Variants in DDX60L observed in about 807,000 individuals in gnomAD.
The protein encoded by DDX60L is probable ATP-dependent RNA helicase DDX60-like.
DDX60L carries 191 observed loss-of-function variants against 211.6 expected under a neutral mutation model. That is an observed-to-expected ratio of 0.90 (90% confidence interval 0.80 to 1.02). DDX60L has a LOEUF of 1.02. Ranked by LOEUF, DDX60L falls within the 50% of genes least tolerant of loss-of-function variation. The pLI is 0.00. For missense variants in DDX60L, 2,007 were observed against 1,984.1 expected, an observed-to-expected ratio of 1.01 and a Z score of -0.22; for synonymous variants, 706 against 694.1, an observed-to-expected ratio of 1.02 and a Z score of -0.27.
chr4:168,449,650 T>TAAAAAAAAAAAAAAAAA (rs1755423821), intron 8 of DDX60L, among the ~76,000 whole-genome samples: 2 of 6,936 alleles, frequency 2.9e-4, no homozygotes, highest in Admixed American at 1.8e-3. Flanking sequence ...AAAAAAAAAA[T>TAAAAAAAAAAAAAAAAA]GCAAAAAAAA....
intron 30 of DDX60L, among the ~76,000 whole-genome samples, chr4:168,382,934 T>C (rs1167521101): frequency 6.6e-6 from 1 of 152,234 alleles, no homozygotes; most frequent in African/African-American, 2.4e-5. Flanking sequence ...ATGTGTTTAC[T>C]ACTCATCGAA....
chr4:168,427,200 A>G lies in DDX60L; in HGVS notation c.1800T>C (p.Asn600=). ...LFSIEEEMKN[N]LHSGIRKLED... ...CCAATTTCCTTATTCCAGAATGTAA[A>G]TTGTTCTTCATCTCCTCTTCAATAG... The change falls in exon 14 of 38, where the codon AAT becomes AAC. Residue 600 remains asparagine (N), a synonymous_variant. Coordinates refer to ENST00000682922, the MANE Select transcript of DDX60L (RefSeq NM_001012967.3). 6.2e-7 allele frequency: 1 copy of G among 1,613,342 alleles called. No individual in the cohort carries two copies. Among genetic ancestry groups the G allele is most frequent in the South Asian group, 1.1e-5 (1 of 90,992 alleles).
chr4:168,472,501 A>T lies in DDX60L; in HGVS notation c.28T>A (p.Phe10Ile). The T allele has an allele frequency of 6.3e-7, 1 of 1,578,554 alleles. No homozygotes were observed. The highest frequency in any genetic ancestry group is 1.2e-5 in the South Asian group (1 of 86,858). The change falls in exon 3 of 38, where the codon TTC (phenylalanine) becomes ATC (isoleucine). Residue 10 changes from phenylalanine (F) to isoleucine (I), a missense_variant. Phe to Ile is a conservative substitution (Grantham distance 21). Transcript: ENST00000682922. ...AAAATTAACTGTGTCATTTCCCTGA[A>T]AAATACTGCATGATCCTTTGACCCT... Reference protein sequence around the residue: MGSKDHAVFFREMTQLILNE... With the variant: MGSKDHAVFIREMTQLILNE...
At chr4:168,411,241 C>T (rs1238177330) in intron 22 of DDX60L, among the ~76,000 whole-genome samples, 1 of 152,164 alleles carries the variant, frequency 6.6e-6, no homozygotes, top group Non-Finnish European at 1.5e-5. Flanking sequence ...ACAAAAGGCA[C>T]CTTTATAAGA....
rs1750826086 is a variant in DDX60L, at chr4:168,422,686, A to C, written c.2098-16T>G. The C allele has an allele frequency of 6.6e-7, 1 of 1,516,568 alleles. No individual in the cohort carries two copies. The highest frequency in any genetic ancestry group is 1.4e-5 in the African/African-American group (1 of 71,640). 93.9% of individuals were successfully genotyped at this position (1,516,568 alleles called of 1,614,324 possible). A position where few individuals can be genotyped will look rare whatever the true frequency, so the allele number is the denominator to read the frequency against. ...CATCTCCTATCTGTTATTTTAATAT[A>C]TTATTTGAAATCAACTTAAACTTCA... On this transcript the variant is annotated splice_polypyrimidine_tract_variant and intron_variant, in intron 15 of 37. Coordinates refer to ENST00000682922, the MANE Select transcript of DDX60L (RefSeq NM_001012967.3).
chr4:168,359,203 T>C (rs1037072189), intron 37 of DDX60L, among the ~76,000 whole-genome samples: 7 of 152,200 alleles, frequency 4.6e-5, no homozygotes, highest in African/African-American at 1.7e-4. Context: ...TTTTTACTAG[T>C]CCTCAGTGGC....
intron 14 of DDX60L, among the ~76,000 whole-genome samples, chr4:168,424,461 T>C (rs903945607): frequency 6.6e-6 from 1 of 152,204 alleles, no homozygotes; most frequent in Non-Finnish European, 1.5e-5. Flanking sequence ...CAAATACTAC[T>C]GAGCAACTGC....
chr4:168,471,698 C>G (rs528688719), intron 4 of DDX60L, 49 bp downstream of exon 4: 3 of 1,423,572 alleles, frequency 2.1e-6, no homozygotes, highest in South Asian at 2.7e-5. Flanking sequence ...TAAGACATTT[C>G]AGTTATAGTC....
intron 28 of DDX60L, among the ~76,000 whole-genome samples, chr4:168,393,538 G>A (rs1456589952): frequency 1.3e-5 from 2 of 151,760 alleles, no homozygotes; most frequent in African/African-American, 2.4e-5. Flanking sequence ...ATAGTGTAAC[G>A]GCTACCCTTC....
At chr4:168,378,702 C>A (rs1365235122) in intron 32 of DDX60L, among the ~76,000 whole-genome samples, 1 of 152,026 alleles carries the variant, frequency 6.6e-6, no homozygotes, top group African/African-American at 2.4e-5. Flanking sequence ...TTGCTATACC[C>A]GCCCTAGTTC....
intron 34 of DDX60L, 48 bp from the exon 35 acceptor site, chr4:168,373,856 A>ACGCC: frequency 6.3e-7 from 1 of 1,585,814 alleles, no homozygotes; most frequent in African/African-American, 1.3e-5. Context: ...ATCAGCCCAA[A>ACGCC]TGTTAACCCT....
rs368290897 is a variant in DDX60L at position 168,395,955 on chromosome 4, G to T, written c.3657+4C>A. On this transcript the variant is annotated splice_donor_region_variant and intron_variant, in intron 27 of 37. Coordinates refer to ENST00000682922, the MANE Select transcript of DDX60L (RefSeq NM_001012967.3). ...CGTATTATATTAATAATTCTCTGAC[G>T]TACTGAGTCTTTATTCCTGGTAATT... 2 of 1,576,804 alleles carry T rather than the reference G, an allele frequency of 1.3e-6. No individual in the cohort carries two copies. The highest frequency in any genetic ancestry group is 1.1e-5 in the South Asian group (1 of 87,946).
chr4:168,472,342 G>A, intron 3 of DDX60L, 113 bp downstream of exon 3: 1 of 777,112 alleles, frequency 1.3e-6, no homozygotes, highest in East Asian at 2.7e-5. Flanking sequence ...TCTCCAAGCT[G>A]CTCCAAGATA....
At chr4:168,403,881 GTTAC>G (rs1312166129) in intron 25 of DDX60L, 97 bp downstream of exon 25, 1 of 569,544 alleles carries the variant, frequency 1.8e-6, no homozygotes, top group East Asian at 3.6e-5. Flanking sequence ...TAAAAGTAGG[GTTAC>G]TTCTAACCAC....
In DDX60L at chr4:168,403,971, C is replaced by T; in HGVS notation, c.3338+11G>A. On this transcript the variant is annotated intron_variant, in intron 25 of 37. Coordinates refer to ENST00000682922, the MANE Select transcript of DDX60L (RefSeq NM_001012967.3). ...ATATAAACAAAGATAAATTAAGTTTCAGTTACTTACAAAAAAAATATTGCA... is the reference window on the plus strand; with the variant it reads ...ATATAAACAAAGATAAATTAAGTTTTAGTTACTTACAAAAAAAATATTGCA... 7.0e-7 allele frequency: 1 copy of T among 1,433,606 alleles called. No individual in the cohort carries two copies. The highest frequency in any genetic ancestry group is 1.5e-5 in the South Asian group (1 of 66,194). 88.8% of individuals were successfully genotyped at this position (1,433,606 alleles called of 1,614,324 possible).
Position 168,422,999 on chromosome 4 carries a change from G to GTGTGTGTGTGTA in DDX60L, c.2098-330_2098-329insTACACACACACA, listed in dbSNP as rs551448406. On this transcript the variant is annotated intron_variant, in intron 15 of 37. Coordinates refer to ENST00000682922, the MANE Select transcript of DDX60L (RefSeq NM_001012967.3). ...TGTGTGTGTGTGTGTGTGTGTGTGTGTTGTAGAGACAGGGTGTTGCCATGT... is the reference window on the plus strand; with the variant it reads ...TGTGTGTGTGTGTGTGTGTGTGTGTGTGTGTGTGTGTATTGTAGAGACAGGGTGTTGCCATGT... 1.2e-3 allele frequency among the ~76,000 whole-genome samples: 166 copies of GTGTGTGTGTGTA among 137,606 alleles called. 3 individuals are homozygous for GTGTGTGTGTGTA. The highest frequency in any genetic ancestry group is 4.5e-3 in the African/African-American group (161 of 35,678). 90.3% of individuals were successfully genotyped at this position (137,606 alleles called of 152,430 possible).
In DDX60L at chr4:168,358,075, GTA is replaced by G; in HGVS notation, c.*70_*71del. ...ACAAACATTTTTTCCATTTCATTGT[GTA>G]AGCTTAATTATATCTCTCCTTGCAA... On this transcript the variant is annotated 3_prime_UTR_variant, in exon 38 of 38. Transcript: ENST00000682922. The G allele has an allele frequency of 7.3e-7, 1 of 1,372,598 alleles. No individual in the cohort carries two copies. The highest frequency in any genetic ancestry group is 1.0e-6 in the Non-Finnish European group (1 of 989,980). 85.0% of individuals were successfully genotyped at this position (1,372,598 alleles called of 1,614,324 possible). A position where few individuals can be genotyped will look rare whatever the true frequency, so the allele number is the denominator to read the frequency against.
At chr4:168,473,786 C>A (rs1759120228) in intron 1 of DDX60L, among the ~76,000 whole-genome samples, 1 of 152,200 alleles carries the variant, frequency 6.6e-6, no homozygotes, top group South Asian at 2.1e-4. Context: ...CCAAAATGAA[C>A]TTTTGGCACT....
chr4:168,431,521 G>A (rs1266147227), intron 12 of DDX60L, among the ~76,000 whole-genome samples: 1 of 143,262 alleles, frequency 7.0e-6, no homozygotes, highest in Admixed American at 7.7e-5. Context: ...ATGGACACAG[G>A]AAGGGGAACA....
Sources: gnomAD v4.1 joint callset for allele counts (sites outside exome capture counted in the v4.1 genomes callset) on GRCh38, gnomAD v4.1.1 for gene constraint, MANE v1.5 for transcripts, NCBI Gene and HGNC (gene_info 2026-07-23, HGNC 2026-07-21) for gene names.